Variants in KIAA0319 observed in about 807,000 individuals in gnomAD.
KIAA0319 encodes KIAA0319, also known as dyslexia-associated protein KIAA0319.
Under a neutral mutation model 108.4 loss-of-function variants are expected in KIAA0319, and 83 were observed. The observed-to-expected ratio is 0.77, with a 90% CI of 0.64 to 0.92. The LOEUF (loss-of-function observed/expected upper bound fraction) is 0.92. Ranked by LOEUF, KIAA0319 falls within the 40% of genes least tolerant of loss-of-function variation. The pLI, the probability that KIAA0319 is intolerant of heterozygous loss-of-function variation, is 0.00. For missense variants in KIAA0319, 1,195 were observed against 1,322.4 expected (o/e 0.90, Z 1.49); for synonymous variants, 484 against 510.4 (o/e 0.95, Z 0.70).
intron 1 of KIAA0319, among the ~76,000 whole-genome samples, chr6:24,607,645 T>A (rs1454790411): frequency 6.6e-6 from 1 of 152,188 alleles, no homozygotes; most frequent in Non-Finnish European, 1.5e-5. Context: ...AGCAATTAAT[T>A]TTTTAGGTTT....
chr6:24,638,934 A>G (rs1776564327), intron 1 of KIAA0319, among the ~76,000 whole-genome samples: 1 of 152,202 alleles, frequency 6.6e-6, no homozygotes, highest in Admixed American at 6.5e-5. Context: ...ACAAACAAAC[A>G]AAGAAACAGT....
Position 24,623,378 on chromosome 6 carries a change from A to T in KIAA0319, c.-105-22170T>A, listed in dbSNP as rs148157568. On this transcript the variant is annotated intron_variant, in intron 1 of 20. Coordinates refer to ENST00000378214, the MANE Select transcript of KIAA0319 (RefSeq NM_014809.4). ...AGACAATAGAGGGGAAGAAGTGAAGAAATAATAGAACAAAATTTCCTTTAA... is the reference window on the plus strand; with the variant it reads ...AGACAATAGAGGGGAAGAAGTGAAGTAATAATAGAACAAAATTTCCTTTAA... Among the ~76,000 whole-genome samples the T allele has an allele frequency of 3.9e-3, 599 of 152,272 alleles. 2 individuals carry two copies. Among genetic ancestry groups the T allele is most frequent in the Non-Finnish European group, 6.6e-3 (447 of 68,034 alleles).
intron 1 of KIAA0319, among the ~76,000 whole-genome samples, chr6:24,630,181 A>C (rs9366574): frequency 0.7 from 106,716 of 151,388 alleles, 38,185 homozygotes; most frequent in East Asian, 0.87. Context: ...TCTGTCTAAA[A>C]AAATAAAAAT....
At position 24,576,379 on chromosome 6, in the gene KIAA0319, C is replaced by T. The variant is rs1033226913; in HGVS notation, c.1723G>A (p.Val575Met). The change falls in exon 10 of 21, where the codon GTG becomes ATG. Residue 575 changes from valine to methionine, a missense_variant. Val to Met is a conservative substitution (Grantham distance 21, BLOSUM62 1). Transcript: ENST00000378214. ...GATGGAGAACTTGCCTGCATGACCACATGTTTGCCCTCACTCCCAGGACCC... is the reference window on the plus strand; with the variant it reads ...GATGGAGAACTTGCCTGCATGACCATATGTTTGCCCTCACTCCCAGGACCC... ...SLGPGSEGKH[V>M]VMQGVQTPYL... The T allele has an allele frequency of 6.8e-6, 11 of 1,613,906 alleles. No individual in the cohort carries two copies. In the African/African-American group the frequency reaches 1.3e-4, roughly 20 times the overall value.
At chr6:24,551,406 C>A (rs1199905482) in intron 20 of KIAA0319, 28 bp downstream of exon 20, 2 of 1,484,960 alleles carry the variant, frequency 1.3e-6, no homozygotes, top group South Asian at 2.3e-5. Context: ...ATAAAGGTGC[C>A]AGGCAGTCAT....
intron 10 of KIAA0319, among the ~76,000 whole-genome samples, chr6:24,574,296 G>A (rs1289126512): frequency 1.3e-5 from 2 of 151,944 alleles, no homozygotes; most frequent in African/African-American, 4.8e-5. Flanking sequence ...AATTAGCCAG[G>A]TGTAGTGGTG....
rs1310816602 is a variant in KIAA0319, at chr6:24,596,442, A to T, written c.232T>A (p.Tyr78Asn). The change falls in exon 3 of 21, where the codon TAC (tyrosine) becomes AAC (asparagine). Residue 78 changes from tyrosine to asparagine, a missense_variant. By Grantham distance (143) the Tyr-to-Asn change is moderately radical (BLOSUM62 -2). Coordinates refer to ENST00000378214, the MANE Select transcript of KIAA0319 (RefSeq NM_014809.4). ...DLAWWFEGRCYLVSCPHKENC... is the reference protein window; with the variant it reads ...DLAWWFEGRCNLVSCPHKENC... ...TCTTTGTGGGGGCAGCTCACCAGGT[A>T]GCAGCGGCCCTCGAACCACCAGGCC... 2 of 1,614,222 alleles carry T rather than the reference A, an allele frequency of 1.2e-6. No individual in the cohort carries two copies. The highest frequency in any genetic ancestry group is 1.7e-6 in the Non-Finnish European group (2 of 1,180,034).
chr6:24,586,352 G>A (rs1767483905), intron 4 of KIAA0319, among the ~76,000 whole-genome samples: 1 of 152,200 alleles, frequency 6.6e-6, no homozygotes, highest in African/African-American at 2.4e-5. Flanking sequence ...AGCAGACCAA[G>A]AGGAGCTCTG....
chr6:24,556,885 CT>C, intron 17 of KIAA0319, among the ~76,000 whole-genome samples, 156 bp from the exon 18 acceptor site: 1 of 152,270 alleles, frequency 6.6e-6, no homozygotes, highest in Middle Eastern at 3.4e-3. Flanking sequence ...GAGATAGTCT[CT>C]CATCACTGAC....
At chr6:24,635,937 T>G (rs543606115) in intron 1 of KIAA0319, among the ~76,000 whole-genome samples, 15 of 152,256 alleles carry the variant, frequency 9.9e-5, no homozygotes, top group African/African-American at 1.9e-4. Flanking sequence ...TTATGAAATA[T>G]TATGAAAGAA....
At chr6:24,597,929 A>AAAAAAAAAAAAAAAAAC (rs1769943000) in intron 2 of KIAA0319, 1 of 130,228 alleles carries the variant, frequency 7.7e-6, no homozygotes, top group Non-Finnish European at 1.5e-5. Context: ...AAAAAAAAAA[A>AAAAAAAAAAAAAAAAAC]AAAAAAAAAA....
rs1396929843 is a variant in KIAA0319 at position 24,544,370 on chromosome 6, A to G, written c.*2795T>C. 6.6e-6 allele frequency: 1 copy of G among 152,224 alleles called. No homozygotes were observed. Among genetic ancestry groups the G allele is most frequent in the Non-Finnish European group, 1.5e-5 (1 of 68,042 alleles). The allele number at this position is 152,224 out of a possible 1,614,324, so 9.4% of individuals were successfully genotyped here. ...CAGACACCTTTATTTAGATTAGTGCATATATTTAATAGTGTGATATTAGAA... is the reference window on the plus strand; with the variant it reads ...CAGACACCTTTATTTAGATTAGTGCGTATATTTAATAGTGTGATATTAGAA... On this transcript the variant is annotated 3_prime_UTR_variant, in exon 21 of 21. Transcript: ENST00000378214.
chr6:24,622,319 T>TAAAAAAAAAAAAAAAAAA (rs5874995), intron 1 of KIAA0319, among the ~76,000 whole-genome samples: 5 of 114,400 alleles, frequency 4.4e-5, no homozygotes, highest in Non-Finnish European at 5.4e-5. Context: ...TTTGAGAAAT[T>TAAAAAAAAAAAAAAAAAA]AAAAAAAAAA....
intron 12 of KIAA0319, 77 bp downstream of exon 12, chr6:24,569,826 C>G: frequency 6.5e-7 from 1 of 1,535,428 alleles, no homozygotes; most frequent in Non-Finnish European, 8.9e-7. Flanking sequence ...TGATTGTTTA[C>G]TACAGATCCT....
chr6:24,625,262 C>T (rs1774550813), intron 1 of KIAA0319, among the ~76,000 whole-genome samples: 2 of 151,860 alleles, frequency 1.3e-5, no homozygotes, highest in South Asian at 4.2e-4. Flanking sequence ...AATTAAAGGC[C>T]TAAATGTGAA....
chr6:24,616,559 G>A, intron 1 of KIAA0319, among the ~76,000 whole-genome samples: 1 of 152,108 alleles, frequency 6.6e-6, no homozygotes, highest in Admixed American at 6.5e-5. Context: ...TCACCATGTT[G>A]GCCAGGATGG....
chr6:24,601,097 G>A lies in KIAA0319; in HGVS notation c.7C>T (p.Pro3Ser). The change falls in exon 2 of 21, where the codon CCC (proline) becomes TCC (serine). Residue 3 changes from proline (P) to serine (S), a missense_variant. Pro to Ser is a moderately conservative substitution (Grantham distance 74). Coordinates refer to ENST00000378214, the MANE Select transcript of KIAA0319 (RefSeq NM_014809.4). ...AATGAAGAGAGCACACCTGTGGGGG[G>A]CGCCATTGTGCACCACACAGTGGGT... MA[P>S]PTGVLSSLLL... 6.2e-7 allele frequency: 1 copy of A among 1,614,098 alleles called. No homozygotes were observed. Among genetic ancestry groups the A allele is most frequent in the East Asian group, 2.2e-5 (1 of 44,874 alleles).
rs529152970 is a variant in KIAA0319 at position 24,635,227 on chromosome 6, C to T, written c.-106+10509G>A. ...TTCACCTCCACCTCCGCCTCAGCCTCCTGAGTAGCTGGGATTAGAGGTGCA... is the reference window on the plus strand; with the variant it reads ...TTCACCTCCACCTCCGCCTCAGCCTTCTGAGTAGCTGGGATTAGAGGTGCA... On this transcript the variant is annotated intron_variant, in intron 1 of 20. Coordinates refer to ENST00000378214, the MANE Select transcript of KIAA0319 (RefSeq NM_014809.4). Among the ~76,000 whole-genome samples, 11 of 151,996 alleles carry T rather than the reference C, an allele frequency of 7.2e-5. No individual in the cohort carries two copies. In the East Asian group the frequency reaches 1.4e-3, roughly 19 times the overall value.
At chr6:24,587,439 T>C (rs901529637) in intron 4 of KIAA0319, among the ~76,000 whole-genome samples, 3 of 147,922 alleles carry the variant, frequency 2.0e-5, no homozygotes, top group African/African-American at 7.5e-5. Context: ...CACCACCACG[T>C]CTGGCTAATT....
Sources: gnomAD v4.1 joint callset for allele counts (sites outside exome capture counted in the v4.1 genomes callset) on GRCh38, gnomAD v4.1.1 for gene constraint, MANE v1.5 for transcripts, NCBI Gene and HGNC (gene_info 2026-07-23, HGNC 2026-07-21) for gene names.